ARHGAP15: variants seen among roughly 807,000 people sequenced by gnomAD.
ARHGAP15 encodes the protein rho GTPase-activating protein 15.
A neutral mutation model predicts 63.7 loss-of-function variants in ARHGAP15; 51 were observed. The ratio of observed to expected loss-of-function variants is 0.80; its 90% CI spans 0.64 to 1.01. The LOEUF (loss-of-function observed/expected upper bound fraction) is 1.01. Among genes scored for constraint, ARHGAP15 ranks in the 50% least tolerant of loss-of-function variants. ARHGAP15 has a pLI of 0.00. For synonymous variants in ARHGAP15, 191 were observed against 193.8 expected (o/e 0.99, Z 0.12); for missense variants, 560 against 564.6 (o/e 0.99, Z 0.08).
At chr2:143,483,200 A>G (rs1016895655) in intron 8 of ARHGAP15, among the ~76,000 whole-genome samples, 4 of 152,248 alleles carry the variant, frequency 2.6e-5, no homozygotes, top group Non-Finnish European at 5.9e-5. Flanking sequence ...TGAAGACAAT[A>G]TGATATACAT....
At chr2:143,345,025 C>T (rs10496946) in intron 6 of ARHGAP15, among the ~76,000 whole-genome samples, 19,022 of 152,074 alleles carry the variant, frequency 0.13, 1,587 homozygotes, top group Non-Finnish European at 0.16. Context: ...TGTGATTCAA[C>T]AATAACATCA....
chr2:143,506,540 G>C (rs371772660), intron 9 of ARHGAP15, among the ~76,000 whole-genome samples: 12 of 152,220 alleles, frequency 7.9e-5, no homozygotes, highest in African/African-American at 2.4e-4. Flanking sequence ...ACAAATATGG[G>C]AGAAGGTAGC....
At chr2:143,135,358 T>G (rs989041690) in intron 1 of ARHGAP15, among the ~76,000 whole-genome samples, 4 of 152,222 alleles carry the variant, frequency 2.6e-5, no homozygotes, top group African/African-American at 7.2e-5. Flanking sequence ...ATTTTTTATC[T>G]TTTGCTGGTT....
intron 10 of ARHGAP15, among the ~76,000 whole-genome samples, chr2:143,544,723 G>T (rs2105058583): frequency 6.6e-6 from 1 of 152,284 alleles, no homozygotes; most frequent in East Asian, 1.9e-4. Flanking sequence ...TGCCTGGAGA[G>T]TTGGAATTCA....
chr2:143,431,814 T>A (rs1162796509), intron 6 of ARHGAP15, among the ~76,000 whole-genome samples: 1 of 152,074 alleles, frequency 6.6e-6, no homozygotes, highest in Non-Finnish European at 1.5e-5. Context: ...TAGGATGTTC[T>A]GTCATGAACG....
intron 10 of ARHGAP15, among the ~76,000 whole-genome samples, chr2:143,550,915 G>T (rs1476100241): frequency 6.6e-6 from 1 of 152,168 alleles, no homozygotes; most frequent in Non-Finnish European, 1.5e-5. Flanking sequence ...AAGTGGTAGA[G>T]AGAAGTAAGA....
chr2:143,305,592 A>G (rs1342655447), intron 6 of ARHGAP15: 3 of 152,140 alleles, frequency 2.0e-5, no homozygotes, highest in African/African-American at 7.2e-5. Flanking sequence ...TAAAATGGTC[A>G]AATATTGGCT....
chr2:143,766,273 C>G (rs7607672), intron 13 of ARHGAP15, among the ~76,000 whole-genome samples: 43,637 of 152,072 alleles, frequency 0.29, 7,038 homozygotes, highest in African/African-American at 0.43. Flanking sequence ...AAGTGGCACA[C>G]CATTCTGAGT....
intron 10 of ARHGAP15, among the ~76,000 whole-genome samples, chr2:143,548,903 GGAAGA>G (rs1390001613): frequency 1.3e-5 from 2 of 151,826 alleles, no homozygotes. Flanking sequence ...CGAAAGAAAT[GGAAGA>G]GAAAACTAAA....
chr2:143,184,489 A>G (rs923604237), intron 2 of ARHGAP15, among the ~76,000 whole-genome samples: 1 of 152,198 alleles, frequency 6.6e-6, no homozygotes, highest in Non-Finnish European at 1.5e-5. Flanking sequence ...TGTGGCCTCA[A>G]GGAAACATTG....
chr2:143,505,300 A>G (rs1481386978), intron 9 of ARHGAP15, among the ~76,000 whole-genome samples: 1 of 152,202 alleles, frequency 6.6e-6, no homozygotes, highest in African/African-American at 2.4e-5. Context: ...GTAGCTGGAA[A>G]CATAACTGTC....
chr2:143,565,204 G>A (rs536339643), intron 11 of ARHGAP15, among the ~76,000 whole-genome samples: 2 of 152,142 alleles, frequency 1.3e-5, no homozygotes, highest in Non-Finnish European at 2.9e-5. Context: ...CCATGGGGAA[G>A]GGGGCAGAGA....
chr2:143,491,347 G>A (rs1692572546), intron 9 of ARHGAP15, among the ~76,000 whole-genome samples: 1 of 152,164 alleles, frequency 6.6e-6, no homozygotes, highest in Non-Finnish European at 1.5e-5. Context: ...TGACATCCAA[G>A]TTTAGGTAAT....
At chr2:143,418,587 A>G (rs535374147) in intron 6 of ARHGAP15, among the ~76,000 whole-genome samples, 2 of 152,198 alleles carry the variant, frequency 1.3e-5, no homozygotes, top group African/African-American at 4.8e-5. Flanking sequence ...TAAAGTTCAC[A>G]TAAAAGATTT....
rs531437096 is a variant in ARHGAP15, at chr2:143,369,135, T to G, written c.475-66466T>G. ...TAGTAAATTCTAAAAATGGCAGAATTTAGTTTTAAATGCAATTTCCACATT... is the reference window on the plus strand; with the variant it reads ...TAGTAAATTCTAAAAATGGCAGAATGTAGTTTTAAATGCAATTTCCACATT... On this transcript the variant is annotated intron_variant, in intron 6 of 13. Transcript: ENST00000295095. 2.7e-4 allele frequency among the ~76,000 whole-genome samples: 41 copies of G among 152,210 alleles called. 1 individual carries two copies. In the South Asian group the frequency reaches 4.4e-3, roughly 16 times the overall value.
At chr2:143,473,791 T>C (rs1691689202) in intron 8 of ARHGAP15, among the ~76,000 whole-genome samples, 1 of 152,214 alleles carries the variant, frequency 6.6e-6, no homozygotes, top group Admixed American at 6.5e-5. Context: ...TTAAAGGTCA[T>C]TTAATCTGTG....
At chr2:143,261,170 GTCAGGAGGA>G (rs1392715492) in intron 6 of ARHGAP15, among the ~76,000 whole-genome samples, 10 of 152,012 alleles carry the variant, frequency 6.6e-5, no homozygotes, top group Admixed American at 6.6e-4. Context: ...TTCCCATTTA[GTCAGGAGGA>G]TCATTCATAT....
chr2:143,423,062 G>A (rs1688995412), intron 6 of ARHGAP15, among the ~76,000 whole-genome samples: 1 of 152,120 alleles, frequency 6.6e-6, no homozygotes, highest in Non-Finnish European at 1.5e-5. Flanking sequence ...CTGTTGAGTT[G>A]TGTAAAAGAG....
At chr2:143,336,371 T>A (rs993426379) in intron 6 of ARHGAP15, among the ~76,000 whole-genome samples, 9 of 152,178 alleles carry the variant, frequency 5.9e-5, no homozygotes, top group Non-Finnish European at 1.3e-4. Context: ...TTTTCTGATG[T>A]GCTTGAATGT....
Sources: gnomAD v4.1 joint callset for allele counts (sites outside exome capture counted in the v4.1 genomes callset) on GRCh38, gnomAD v4.1.1 for gene constraint, MANE v1.5 for transcripts, NCBI Gene and HGNC (gene_info 2026-07-23, HGNC 2026-07-21) for gene names.